The following CDH13 variants were observed in gnomAD, a reference collection of about 807,000 sequenced individuals.
The protein encoded by CDH13 is cadherin-13.
CDH13 carries 24 observed loss-of-function variants against 63.8 expected under a neutral mutation model. The observed-to-expected ratio is 0.38, with a 90% CI of 0.27 to 0.53. The LOEUF is 0.53. Among genes scored for constraint, CDH13 ranks in the 20% least tolerant of loss-of-function variants. The pLI is 0.85. For missense variants in CDH13, 1,049 were observed against 903.1 expected (o/e 1.16, Z -2.07); for synonymous variants, 503 against 355.3 (o/e 1.42, Z -4.67).
chr16:83,732,258 G>A (rs1243668746), intron 10 of CDH13, among the ~76,000 whole-genome samples: 2 of 152,190 alleles, frequency 1.3e-5, no homozygotes, highest in African/African-American at 2.4e-5. Flanking sequence ...ACTGGAGAAG[G>A]CCACCTTAGA....
At chr16:82,878,265 A>AT (rs915035927) in intron 2 of CDH13, among the ~76,000 whole-genome samples, 1 of 151,930 alleles carries the variant, frequency 6.6e-6, no homozygotes, top group South Asian at 2.1e-4. Flanking sequence ...CTTACAGTAA[A>AT]TTTTTTGCAA....
intron 2 of CDH13, among the ~76,000 whole-genome samples, chr16:82,902,275 A>T (rs931649766): frequency 6.6e-6 from 1 of 152,188 alleles, no homozygotes; most frequent in Admixed American, 6.5e-5. Context: ...CATCTAAGGT[A>T]AAAATTATCA....
intron 2 of CDH13, among the ~76,000 whole-genome samples, chr16:82,999,779 C>T (rs1246048751): frequency 1.3e-5 from 2 of 152,148 alleles, no homozygotes; most frequent in Non-Finnish European, 2.9e-5. Context: ...TTAACGTTTC[C>T]ATATATCTCT....
Position 83,233,410 on chromosome 16 carries a change from A to G in CDH13, c.636+15913A>G, listed in dbSNP as rs910402197. Reference sequence around the variant, plus strand: ...GCTGACTCAACGAGTAGGTGGCTGTATTAGTTTTCTATTTCTGCCCAAACA... The same window carrying G: ...GCTGACTCAACGAGTAGGTGGCTGTGTTAGTTTTCTATTTCTGCCCAAACA... On this transcript the variant is annotated intron_variant, in intron 5 of 13. Coordinates refer to ENST00000567109, the MANE Select transcript of CDH13 (RefSeq NM_001257.5). Among the ~76,000 whole-genome samples, 6 of 152,198 alleles carry G rather than the reference A, an allele frequency of 3.9e-5. No homozygotes were observed. In the South Asian group the frequency reaches 1.0e-3, roughly 26 times the overall value.
chr16:82,806,308 C>G (rs1229573006), intron 1 of CDH13, among the ~76,000 whole-genome samples: 2 of 152,158 alleles, frequency 1.3e-5, no homozygotes, highest in African/African-American at 4.8e-5. Context: ...CCCAGGGAGT[C>G]TTTATCTAGA....
intron 11 of CDH13, among the ~76,000 whole-genome samples, chr16:83,749,454 G>A (rs1203672995): frequency 2.0e-5 from 3 of 152,152 alleles, no homozygotes; most frequent in African/African-American, 7.2e-5. Context: ...CTAGAAGGGG[G>A]CACAGCACAG....
At chr16:83,291,995 A>G (rs2089477187) in intron 5 of CDH13, among the ~76,000 whole-genome samples, 1 of 152,180 alleles carries the variant, frequency 6.6e-6, no homozygotes, top group African/African-American at 2.4e-5. Flanking sequence ...TTGAATTTGT[A>G]TAGGAGAGTT....
At chr16:83,739,681 G>C (rs934358658) in intron 10 of CDH13, among the ~76,000 whole-genome samples, 4 of 152,136 alleles carry the variant, frequency 2.6e-5, no homozygotes, top group African/African-American at 9.7e-5. Context: ...GAGACAGGTG[G>C]CTCTTTTGAG....
At chr16:83,286,647 T>G (rs1409101962) in intron 5 of CDH13, among the ~76,000 whole-genome samples, 1 of 151,766 alleles carries the variant, frequency 6.6e-6, no homozygotes, top group African/African-American at 2.4e-5. Flanking sequence ...TCCCAGCTAC[T>G]TGGGGGGCTG....
intron 4 of CDH13, among the ~76,000 whole-genome samples, chr16:83,175,067 C>T (rs554847364): frequency 6.6e-6 from 1 of 152,060 alleles, no homozygotes; most frequent in African/African-American, 2.4e-5. Context: ...TTCAAATCAT[C>T]AGCTACGTAT....
At chr16:83,083,041 T>C (rs990739301) in intron 3 of CDH13, among the ~76,000 whole-genome samples, 7 of 152,256 alleles carry the variant, frequency 4.6e-5, no homozygotes, top group African/African-American at 1.7e-4. Context: ...AACTTGATCA[T>C]GAATCAGAAT....
chr16:83,767,540 A>G (rs992791523), intron 11 of CDH13, among the ~76,000 whole-genome samples: 7 of 152,202 alleles, frequency 4.6e-5, no homozygotes, highest in Non-Finnish European at 1.0e-4. Context: ...TATTAGCAGT[A>G]TGAGGATAGA....
intron 7 of CDH13, among the ~76,000 whole-genome samples, chr16:83,549,465 G>C (rs2075450346): frequency 6.6e-6 from 1 of 152,194 alleles, no homozygotes; most frequent in East Asian, 1.9e-4. Flanking sequence ...GTGAGCCTCA[G>C]GCTGCCTGCT....
chr16:83,719,326 C>T (rs1909368590), intron 10 of CDH13, among the ~76,000 whole-genome samples: 1 of 152,184 alleles, frequency 6.6e-6, no homozygotes, highest in African/African-American at 2.4e-5. Context: ...AAGTCTATTA[C>T]CTCATTCAGT....
At chr16:83,647,835 C>G (rs1022947976) in intron 8 of CDH13, among the ~76,000 whole-genome samples, 1 of 152,104 alleles carries the variant, frequency 6.6e-6, no homozygotes, top group Non-Finnish European at 1.5e-5. Flanking sequence ...CTTGACTGGT[C>G]AGTCCTACCT....
At chr16:83,532,706 T>G (rs940515894) in intron 7 of CDH13, among the ~76,000 whole-genome samples, 1 of 152,236 alleles carries the variant, frequency 6.6e-6, no homozygotes, top group Non-Finnish European at 1.5e-5. Flanking sequence ...GTAAGTTCTT[T>G]GCAAGCAATC....
At chr16:83,349,580 GCATTAT>G (rs1567609421) in intron 6 of CDH13, among the ~76,000 whole-genome samples, 1 of 76,600 alleles carries the variant, frequency 1.3e-5, no homozygotes, top group South Asian at 4.3e-4. Context: ...AACTTGAGGT[GCATTAT>G]TATTATTATT....
intron 6 of CDH13, among the ~76,000 whole-genome samples, chr16:83,409,068 A>G (rs2092088816): frequency 6.6e-6 from 1 of 152,098 alleles, no homozygotes; most frequent in African/African-American, 2.4e-5. Context: ...ATCAAGTCAA[A>G]ATTGGTTTAT....
In CDH13 at chr16:83,362,107, C is replaced by T. The variant is rs187433467; in HGVS notation, c.781+17101C>T. Among the ~76,000 whole-genome samples the T allele has an allele frequency of 1.9e-3, 290 of 152,222 alleles. 2 individuals are homozygous for T. Among genetic ancestry groups the T allele is most frequent in the African/African-American group, 3.6e-3 (150 of 41,534 alleles). On this transcript the variant is annotated intron_variant, in intron 6 of 13. Coordinates refer to ENST00000567109, the MANE Select transcript of CDH13 (RefSeq NM_001257.5). ...AAATAAAAAATTAGTCATAAGTCCC[C>T]TCTAACAGACCTGCTCATCAAGTGT... is the stretch of plus-strand genomic sequence containing the variant.
Sources: gnomAD v4.1 joint callset for allele counts (sites outside exome capture counted in the v4.1 genomes callset) on GRCh38, gnomAD v4.1.1 for gene constraint, MANE v1.5 for transcripts, NCBI Gene and HGNC (gene_info 2026-07-23, HGNC 2026-07-21) for gene names.